The following EPHX2 variants were observed in gnomAD, a reference collection of about 807,000 sequenced individuals.
The protein encoded by EPHX2 is epoxide hydrolase 2.
A neutral mutation model predicts 78.7 loss-of-function variants in EPHX2; 74 were observed. The observed-to-expected ratio is 0.94, with a 90% CI of 0.78 to 1.14. The LOEUF (loss-of-function observed/expected upper bound fraction) is 1.14. EPHX2 is among the 50% of genes most tolerant of loss of function. The pLI, the probability that EPHX2 is intolerant of heterozygous loss-of-function variation, is 0.00. For synonymous variants in EPHX2, 251 were observed against 255.2 expected, an observed-to-expected ratio of 0.98 and a Z score of 0.16; for missense variants, 715 against 702.5, an observed-to-expected ratio of 1.02 and a Z score of -0.20.
At chr8:27,543,676 G>A in intron 16 of EPHX2, 73 bp from the exon 17 acceptor site, 5 of 1,485,678 alleles carry the variant, frequency 3.4e-6, no homozygotes, top group Non-Finnish European at 4.7e-6. Flanking sequence ...TGGCGAGCAG[G>A]GGTCTTTCAG....
chr8:27,516,976 A>G (rs908842154), intron 8 of EPHX2, among the ~76,000 whole-genome samples: 6 of 146,148 alleles, frequency 4.1e-5, no homozygotes, highest in African/African-American at 7.8e-5. Flanking sequence ...CTAGAGTGCA[A>G]TGGTGTGATC....
intron 14 of EPHX2, among the ~76,000 whole-genome samples, chr8:27,539,411 T>C (rs956432104): frequency 9.2e-5 from 14 of 152,238 alleles, no homozygotes; most frequent in African/African-American, 3.4e-4. Context: ...CTATTTTTAA[T>C]TTCCAAAGAG....
chr8:27,503,521 A>T (rs950302335), intron 2 of EPHX2, 83 bp from the exon 3 acceptor site: 26 of 1,428,144 alleles, frequency 1.8e-5, no homozygotes, highest in Non-Finnish European at 2.3e-5. Context: ...GGTCACAGGG[A>T]ATGTATATGT....
chr8:27,513,517 C>T (rs578047839), intron 6 of EPHX2, among the ~76,000 whole-genome samples: 2 of 152,286 alleles, frequency 1.3e-5, no homozygotes, highest in African/African-American at 4.8e-5. Flanking sequence ...TGTCTTTCCC[C>T]CACCCCATAT....
intron 13 of EPHX2, among the ~76,000 whole-genome samples, chr8:27,537,257 G>T (rs1254235761): frequency 6.6e-6 from 1 of 152,102 alleles, no homozygotes; most frequent in African/African-American, 2.4e-5. Flanking sequence ...GTCAGTGCCT[G>T]CTCAAACTGT....
At chr8:27,534,428 A>G (rs979451446) in intron 12 of EPHX2, among the ~76,000 whole-genome samples, 3 of 152,156 alleles carry the variant, frequency 2.0e-5, no homozygotes, top group Non-Finnish European at 4.4e-5. Flanking sequence ...AGGCAGGCGG[A>G]TCACTTCAGG....
At chr8:27,533,157 T>G (rs553943592) in intron 12 of EPHX2, among the ~76,000 whole-genome samples, 42 of 152,250 alleles carry the variant, frequency 2.8e-4, no homozygotes, top group Non-Finnish European at 5.6e-4. Context: ...TATTAATATT[T>G]ATTGGCATGC....
At chr8:27,533,356 C>G (rs1280916683) in intron 12 of EPHX2, among the ~76,000 whole-genome samples, 2 of 152,182 alleles carry the variant, frequency 1.3e-5, no homozygotes, top group Non-Finnish European at 2.9e-5. Flanking sequence ...TGCGCAGGAA[C>G]ACAGAAGGAG....
At chr8:27,512,252 G>A (rs988562803) in intron 6 of EPHX2, among the ~76,000 whole-genome samples, 2 of 152,222 alleles carry the variant, frequency 1.3e-5, no homozygotes, top group Non-Finnish European at 2.9e-5. Context: ...CTATAAAGCA[G>A]TGTGACTGAT....
intron 11 of EPHX2, among the ~76,000 whole-genome samples, chr8:27,525,147 G>A (rs1205743657): frequency 6.6e-6 from 1 of 151,472 alleles, no homozygotes; most frequent in East Asian, 1.9e-4. Flanking sequence ...AGGCAAGTTG[G>A]TGAGAAATAC....
At chr8:27,525,068 CTGTG>C (rs56963159) in intron 11 of EPHX2, among the ~76,000 whole-genome samples, 7,013 of 130,932 alleles carry the variant, frequency 0.054, 259 homozygotes, top group African/African-American at 0.11. Flanking sequence ...AGTATGTGTA[CTGTG>C]TGTGTGTGTG....
Position 27,544,224 on chromosome 8 carries a change from G to A in EPHX2, c.1569G>A (p.Gly523=), listed in dbSNP as rs1052454599. Residue 523 remains glycine, a synonymous_variant, in exon 18 of 19, where the codon GGG becomes GGA. Coordinates refer to ENST00000521400, the MANE Select transcript of EPHX2 (RefSeq NM_001979.6). Reference sequence around the variant, plus strand: ...AAAGGGGACACATTGAGGACTGTGGGCACTGGACACAGATGGACAAGTAAG... The same window carrying A: ...AAAGGGGACACATTGAGGACTGTGGACACTGGACACAGATGGACAAGTAAG... The part of the protein sequence containing the change: ...HLKRGHIEDC[G]HWTQMDKPTE... 1.2e-6 allele frequency: 2 copies of A among 1,614,210 alleles called. No homozygotes were observed. The highest frequency in any genetic ancestry group is 3.3e-5 in the Admixed American group (2 of 60,030).
chr8:27,536,944 C>T, intron 13 of EPHX2, 89 bp downstream of exon 13: 1 of 1,358,272 alleles, frequency 7.4e-7, no homozygotes, highest in Non-Finnish European at 1.0e-6. Flanking sequence ...CCAGGAGTAG[C>T]AATCTGGCCT....
At chr8:27,548,615 T>C (rs1473996470), downstream of EPHX2, among the ~76,000 whole-genome samples, 1 of 152,090 alleles carries the variant, frequency 6.6e-6, no homozygotes, top group Non-Finnish European at 1.5e-5. Flanking sequence ...AATTGGAGAG[T>C]ATATGCACAA....
chr8:27,508,946 CTTTTTTTTT>C (rs34748947), intron 5 of EPHX2, among the ~76,000 whole-genome samples: 2 of 64,408 alleles, frequency 3.1e-5, no homozygotes, highest in African/African-American at 7.7e-5. Context: ...CCCCATCCTG[CTTTTTTTTT>C]TTTTTTTTTT....
At chr8:27,520,366 G>C (rs1212728356) in intron 9 of EPHX2, among the ~76,000 whole-genome samples, 1 of 149,436 alleles carries the variant, frequency 6.7e-6, no homozygotes, top group Non-Finnish European at 1.5e-5. Context: ...TTTTTTTTTT[G>C]AGATGGAGTT....
At chr8:27,511,269 G>A (rs1814231354) in intron 5 of EPHX2, among the ~76,000 whole-genome samples, 1 of 152,266 alleles carries the variant, frequency 6.6e-6, no homozygotes, top group Non-Finnish European at 1.5e-5. Flanking sequence ...GTGCTGGAGT[G>A]ACTGCTGTGT....
At position 27,504,944 on chromosome 8, in the gene EPHX2, CT is replaced by C; in HGVS notation, c.347-7del. Reference sequence around the variant, plus strand: ...CTGTAGCTGGTCTATCTACTGGTGGCTTTTTGCTCAGGATTCACTACTGCCA... The same window carrying C: ...CTGTAGCTGGTCTATCTACTGGTGGCTTTTGCTCAGGATTCACTACTGCCA... On this transcript the variant is annotated splice_polypyrimidine_tract_variant and intron_variant, in intron 3 of 18. Coordinates refer to ENST00000521400, the MANE Select transcript of EPHX2 (RefSeq NM_001979.6). 1 of 1,613,420 alleles carries C rather than the reference CT, an allele frequency of 6.2e-7. No individual in the cohort carries two copies. The highest frequency in any genetic ancestry group is 1.1e-5 in the South Asian group (1 of 90,970).
At position 27,506,875 on chromosome 8, in the gene EPHX2, G is replaced by GT. The variant is rs1442463502; in HGVS notation, c.548dup (p.Leu183PhefsTer3). ...TCCCATGCTGTTTTGGGCTCAGGTC[G>GT]TTTTTTTGGATGACATCGGGGCTAA... On this transcript the variant is annotated frameshift_variant, in exon 5 of 19. Transcript: ENST00000521400. LOFTEE classifies it high-confidence loss of function. 7 of 1,613,438 alleles carry GT rather than the reference G, an allele frequency of 4.3e-6. No individual in the cohort carries two copies. The highest frequency in any genetic ancestry group is 2.2e-5 in the East Asian group (1 of 44,848).
Sources: gnomAD v4.1 joint callset for allele counts (sites outside exome capture counted in the v4.1 genomes callset) on GRCh38, gnomAD v4.1.1 for gene constraint, MANE v1.5 for transcripts, NCBI Gene and HGNC (gene_info 2026-07-23, HGNC 2026-07-21) for gene names.